Variants in UCN3 observed in about 807,000 individuals in gnomAD.
The protein encoded by UCN3 is urocortin-3.
Under a neutral mutation model 3.6 loss-of-function variants are expected in UCN3, and 3 were observed. That is an observed-to-expected ratio of 0.83 (90% CI 0.38 to 2.15). The LOEUF (loss-of-function observed/expected upper bound fraction) is 2.15. UCN3 is among the 30% of genes most tolerant of loss of function. UCN3 has a pLI of 0.06. For missense variants in UCN3, 206 were observed against 208.3 expected, an observed-to-expected ratio of 0.99 and a Z score of 0.07; for synonymous variants, 100 against 93.2, an observed-to-expected ratio of 1.07 and a Z score of -0.42.
Position 5,366,395 on chromosome 10 carries a change from C to A in UCN3, c.-7+1165C>A, listed in dbSNP as rs1834117893. Among the ~76,000 whole-genome samples the A allele has an allele frequency of 6.6e-6, 1 of 152,140 alleles. No homozygotes were observed. The highest frequency in any genetic ancestry group is 2.4e-5 in the African/African-American group (1 of 41,428). On this transcript the variant is annotated intron_variant, in intron 1 of 1. Transcript: ENST00000380433. The surrounding 1 kb of genome is among the most constrained non-coding windows in gnomAD (Gnocchi z 4.2). ...TAACTAGATGGTGCCCAGTTATTTT[C>A]GTGGCAGACTGCAGAGAAATCTTAA...
At position 5,374,058 on chromosome 10, in the gene UCN3, A is replaced by G. The variant is rs781820630; in HGVS notation, c.338A>G (p.Lys113Arg). 8.7e-6 allele frequency: 14 copies of G among 1,613,438 alleles called. No homozygotes were observed. Among genetic ancestry groups the G allele is most frequent in the Admixed American group, 1.7e-5 (1 of 59,962 alleles). Residue 113 changes from lysine (K) to arginine (R), a missense_variant, in exon 2 of 2, where the codon AAG (lysine) becomes AGG (arginine). Lys to Arg is a conservative substitution (Grantham distance 26). Coordinates refer to ENST00000380433, the MANE Select transcript of UCN3 (RefSeq NM_053049.4). ...PRGKPRQDTA[K>R]SPHRTKFTLS... ...GGAAAGCCACGCCAGGACACGGCCA[A>G]GAGTCCCCACCGCACCAAGTTCACC...
At chr10:5,370,378 C>CGTGTATATGT in intron 1 of UCN3, among the ~76,000 whole-genome samples, 1 of 6,764 alleles carries the variant, frequency 1.5e-4, no homozygotes, top group Non-Finnish European at 2.4e-4. Flanking sequence ...TGTGTATATG[C>CGTGTATATGT]GTGTATATGC....
rs1554811767 is a variant in UCN3 at position 5,373,800 on chromosome 10, A to G, written c.80A>G (p.Tyr27Cys). 1 of 1,613,616 alleles carries G rather than the reference A, an allele frequency of 6.2e-7. No individual in the cohort carries two copies. The highest frequency in any genetic ancestry group is 8.5e-7 in the Non-Finnish European group (1 of 1,179,894). Residue 27 changes from tyrosine to cysteine, a missense_variant, in exon 2 of 2, where the codon TAC becomes TGC. By Grantham distance (194) the Tyr-to-Cys change is radical. Transcript: ENST00000380433. ...GPRTGLPHKF[Y>C]KAKPIFSCLN... ...AGGACAGGCCTCCCCCACAAGTTCT[A>G]CAAAGCCAAGCCCATCTTCAGCTGC...
rs532958172 is a variant in UCN3 at position 5,370,471 on chromosome 10, G to C, written c.-6-3244G>C. Among the ~76,000 whole-genome samples the C allele has an allele frequency of 4.7e-3, 469 of 99,146 alleles. 64 individuals are homozygous for C. Among genetic ancestry groups the C allele is most frequent in the African/African-American group, 0.018 (436 of 24,452 alleles). The allele number at this position is 99,146 out of a possible 152,430, so 65.0% of individuals were successfully genotyped here. A position where few individuals can be genotyped will look rare whatever the true frequency, so the allele number is the denominator to read the frequency against. ...TGTGTGTGTGTATATGTGTGTATAT[G>C]CGTGTGTATATGTGTGTATGTGTGT... On this transcript the variant is annotated intron_variant, in intron 1 of 1. Transcript: ENST00000380433.
At position 5,370,754 on chromosome 10, in the gene UCN3, TGTGTGTATATGC is replaced by T. The variant is rs1352854978; in HGVS notation, c.-6-2942_-6-2931del. Among the ~76,000 whole-genome samples the T allele has an allele frequency of 5.8e-3, 713 of 122,814 alleles. 39 individuals are homozygous for T. Among genetic ancestry groups the T allele is most frequent in the East Asian group, 0.051 (164 of 3,212 alleles). The allele number at this position is 122,814 out of a possible 152,430, so 80.6% of individuals were successfully genotyped here. A position where few individuals can be genotyped will look rare whatever the true frequency, so the allele number is the denominator to read the frequency against. On this transcript the variant is annotated intron_variant, in intron 1 of 1. Transcript: ENST00000380433. ...TGTGTATATGTGTGTGTATATGATG[TGTGTGTATATGC>T]GTGTGTATATGCGTGTGTGTGTGTA... is the stretch of plus-strand genomic sequence containing the variant.
intron 1 of UCN3, among the ~76,000 whole-genome samples, chr10:5,370,513 ATGTGTGTGTATG>A (rs1421909383): frequency 0.047 from 2,812 of 60,416 alleles, 377 homozygotes; most frequent in Middle Eastern, 0.088. Context: ...GCGTGTGTAT[ATGTGTGTGTATG>A]TGTGTGTGTA....
intron 1 of UCN3, among the ~76,000 whole-genome samples, chr10:5,368,952 A>G (rs1173177655): frequency 6.6e-6 from 1 of 152,176 alleles, no homozygotes; most frequent in African/African-American, 2.4e-5. Flanking sequence ...CTCAGACCTC[A>G]GCATCAGCAT....
At chr10:5,369,881 GTGTATA>G (rs1831317785) in intron 1 of UCN3, among the ~76,000 whole-genome samples, 2 of 101,790 alleles carry the variant, frequency 2.0e-5, no homozygotes, top group African/African-American at 5.8e-5. Flanking sequence ...GTATATGTGT[GTGTATA>G]TGTGTGTGTG....
At chr10:5,370,275 G>A (rs1831352261) in intron 1 of UCN3, among the ~76,000 whole-genome samples, 1 of 92,026 alleles carries the variant, frequency 1.1e-5, no homozygotes, top group African/African-American at 4.3e-5. Context: ...GTGTATATGC[G>A]TGTGTATATG....
intron 1 of UCN3, among the ~76,000 whole-genome samples, chr10:5,372,853 C>A (rs1554811675): frequency 6.6e-6 from 1 of 151,806 alleles, no homozygotes; most frequent in African/African-American, 2.4e-5. Context: ...CCGTGCCTGG[C>A]CAGTTTTTAT....
intron 1 of UCN3, among the ~76,000 whole-genome samples, chr10:5,370,848 TGC>T (rs149227861): frequency 0.14 from 9,218 of 63,674 alleles, 1,163 homozygotes; most frequent in Admixed American, 0.21. Flanking sequence ...CGCGTGTGTG[TGC>T]GCGTGTGTGT....
In UCN3 at chr10:5,373,711, G is replaced by A. The variant is rs782041153; in HGVS notation, c.-6-4G>A. 4 of 1,612,232 alleles carry A rather than the reference G, an allele frequency of 2.5e-6. No homozygotes were observed. The South Asian group carries it at 3.3e-5, about 13-fold the overall frequency. ...CCTGCCCACATCCCTCTTTTCTGCT[G>A]CAGGGAGAGATGCTGATGCCGGTCC... is the stretch of plus-strand genomic sequence containing the variant. On this transcript the variant is annotated splice_region_variant and splice_polypyrimidine_tract_variant and intron_variant, in intron 1 of 1. Coordinates refer to ENST00000380433, the MANE Select transcript of UCN3 (RefSeq NM_053049.4).
At chr10:5,370,111 A>ATGCGTGTGTATG (rs1831338420) in intron 1 of UCN3, among the ~76,000 whole-genome samples, 2 of 27,792 alleles carry the variant, frequency 7.2e-5, no homozygotes, top group African/African-American at 2.2e-4. Flanking sequence ...GCGTGTGTAT[A>ATGCGTGTGTATG]TGTGTGTGTA....
At chr10:5,370,673 GTATGTGTGTGTGTA>G (rs1163647496) in intron 1 of UCN3, among the ~76,000 whole-genome samples, 2 of 87,760 alleles carry the variant, frequency 2.3e-5, no homozygotes, top group African/African-American at 8.5e-5. Context: ...GTATGTGTGT[GTATGTGTGTGTGTA>G]TGTGTGTATA....
At position 5,365,636 on chromosome 10, in the gene UCN3, C is replaced by T. The variant is rs1296345122; in HGVS notation, c.-7+406C>T. On this transcript the variant is annotated intron_variant, in intron 1 of 1. Coordinates refer to ENST00000380433, the MANE Select transcript of UCN3 (RefSeq NM_053049.4). This position sits in a 1 kb window ranked among gnomAD's most constrained non-coding sequence, Gnocchi z 4.4. ...AGCCACAGGACATGACTCCACGCCG[C>T]CTGCAAAGCAGCGAGGACACCTGCA... 6.6e-6 allele frequency among the ~76,000 whole-genome samples: 1 copy of T among 152,194 alleles called. No homozygotes were observed.
intron 1 of UCN3, among the ~76,000 whole-genome samples, chr10:5,370,484 TGTGTATGTGTGTGTATATGC>T (rs1482507401): frequency 9.3e-6 from 1 of 106,968 alleles, no homozygotes; most frequent in East Asian, 3.5e-4. Context: ...TGTGTATATG[TGTGTATGTGTGTGTATATGC>T]GTGTGTATAT....
Position 5,367,878 on chromosome 10 carries a change from G to T in UCN3, c.-7+2648G>T, listed in dbSNP as rs1834131017. On this transcript the variant is annotated intron_variant, in intron 1 of 1. Transcript: ENST00000380433. The surrounding 1 kb of genome is among the most constrained non-coding windows in gnomAD (Gnocchi z 4.3). ...AGGGGTTCCCTGGGCTGGGGTGCAG[G>T]GTTTGAGTGAGGAAGCAAAATAAAC... 6.6e-6 allele frequency among the ~76,000 whole-genome samples: 1 copy of T among 152,158 alleles called. No homozygotes were observed. The highest frequency in any genetic ancestry group is 6.5e-5 in the Admixed American group (1 of 15,272).
rs548551377 is a variant in UCN3 at position 5,366,379 on chromosome 10, G to T, written c.-7+1149G>T. On this transcript the variant is annotated intron_variant, in intron 1 of 1. Coordinates refer to ENST00000380433, the MANE Select transcript of UCN3 (RefSeq NM_053049.4). The surrounding 1 kb of genome is among the most constrained non-coding windows in gnomAD (Gnocchi z 4.2). Reference sequence around the variant, plus strand: ...CCCTCAAATGTATTAATAACTAGATGGTGCCCAGTTATTTTCGTGGCAGAC... The same window carrying T: ...CCCTCAAATGTATTAATAACTAGATTGTGCCCAGTTATTTTCGTGGCAGAC... Among the ~76,000 whole-genome samples the T allele has an allele frequency of 5.5e-4, 83 of 152,280 alleles. No homozygotes were observed. Among genetic ancestry groups the T allele is most frequent in the African/African-American group, 1.9e-3 (81 of 41,544 alleles).
At position 5,374,187 on chromosome 10, in the gene UCN3, A is replaced by C; in HGVS notation, c.467A>C (p.Gln156Pro). Residue 156 changes from glutamine to proline, a missense_variant, in exon 2 of 2, where the codon CAA (glutamine) becomes CCA (proline). Coordinates refer to ENST00000380433, the MANE Select transcript of UCN3 (RefSeq NM_053049.4). ...GCCGCCAATGCCCACCTGATGGCGCAAATTGGGAGGAAGAAGTAGAGGCGG... is the reference window on the plus strand; with the variant it reads ...GCCGCCAATGCCCACCTGATGGCGCCAATTGGGAGGAAGAAGTAGAGGCGG... ...QAAANAHLMA[Q>P]IGRKK 1 of 1,584,892 alleles carries C rather than the reference A, an allele frequency of 6.3e-7. No homozygotes were observed.
Sources: allele counts gnomAD v4.1 joint callset (sites outside exome capture counted in the v4.1 genomes callset), GRCh38; gene constraint gnomAD v4.1.1; non-coding constraint Gnocchi (gnomAD v3.1); transcripts MANE v1.5; gene names NCBI Gene and HGNC (gene_info 2026-07-23, HGNC 2026-07-21).